ZNF23: variants seen among roughly 807,000 people sequenced by gnomAD.
ZNF23 encodes the protein kruppel-like zinc finger factor X31.
A neutral mutation model predicts 56.2 loss-of-function variants in ZNF23; 48 were observed. The ratio of observed to expected loss-of-function variants is 0.85; its 90% CI spans 0.68 to 1.09. The LOEUF is 1.09. Among genes scored for constraint, ZNF23 ranks in the 50% least tolerant of loss-of-function variants. The probability of loss-of-function intolerance (pLI) is 0.00; values close to 1 mark genes in which losing one functional copy is unlikely to be tolerated. For missense variants in ZNF23, 805 were observed against 811.4 expected (o/e 0.99, Z 0.10); for synonymous variants, 266 against 283.3 (o/e 0.94, Z 0.61).
intron 2 of ZNF23, chr16:71,456,026 T>C (rs2043217928): frequency 2.2e-6 from 1 of 456,424 alleles, no homozygotes; most frequent in Non-Finnish European, 4.4e-6. Context: ...TGGAGCATAG[T>C]AAGCCTCCAA....
chr16:71,460,062 C>G (rs1382771924), intron 1 of ZNF23, among the ~76,000 whole-genome samples: 2 of 152,176 alleles, frequency 1.3e-5, no homozygotes, highest in African/African-American at 4.8e-5. Context: ...AGCAGAGGAG[C>G]AGGTGTTTGC....
chr16:71,448,931 T>A lies in ZNF23; in HGVS notation c.1223A>T (p.Gln408Leu), dbSNP rs146193480. ...GAAGCCTTTTCCACACTCTTTACACTGATAGGGCTTTTCTCCTGTGTGGAT... is the reference window on the plus strand; with the variant it reads ...GAAGCCTTTTCCACACTCTTTACACAGATAGGGCTTTTCTCCTGTGTGGAT... The part of the protein sequence containing the change: ...QSIHTGEKPY[Q>L]CKECGKGFNN... Residue 408 changes from glutamine to leucine, a missense_variant, in exon 5 of 5, where the codon CAG becomes CTG. Physicochemically the swap from Gln to Leu is moderately radical, Grantham distance 113. Coordinates refer to ENST00000647773, the MANE Select transcript of ZNF23 (RefSeq NM_001381984.1). 3.7e-6 allele frequency: 6 copies of A among 1,614,156 alleles called. No individual in the cohort carries two copies. Among genetic ancestry groups the A allele is most frequent in the Admixed American group, 1.7e-5 (1 of 60,018 alleles).
chr16:71,452,229 G>A, intron 4 of ZNF23: 1 of 152,220 alleles, frequency 6.6e-6, no homozygotes. Context: ...CCATTATACG[G>A]CAAACTCCAT....
At chr16:71,451,105 C>T (rs1288596924) in intron 4 of ZNF23, 3 of 152,692 alleles carry the variant, frequency 2.0e-5, no homozygotes, top group African/African-American at 2.4e-5. Flanking sequence ...CTGCATTAAC[C>T]TTGCCTTTTC....
chr16:71,449,126 C>T lies in ZNF23; in HGVS notation c.1028G>A (p.Arg343Lys). The stretch of plus-strand genomic sequence containing the variant: ...GTAAGGTTTCTCTCCAGTGTGGACT[C>T]TCTGATGTGTAATATATGCAGAACT... ...SCSSAYITHQ[R>K]VHTGEKPYEC... The change falls in exon 5 of 5, where the codon AGA (arginine) becomes AAA (lysine). Residue 343 changes from arginine (R) to lysine (K), a missense_variant. Physicochemically the swap from Arg to Lys is conservative, Grantham distance 26. Transcript: ENST00000647773. 6.2e-7 allele frequency: 1 copy of T among 1,614,226 alleles called. No individual in the cohort carries two copies. The highest frequency in any genetic ancestry group is 8.5e-7 in the Non-Finnish European group (1 of 1,180,038).
chr16:71,449,445 T>C lies in ZNF23; in HGVS notation c.709A>G (p.Lys237Glu), dbSNP rs1237159755. 6.2e-7 allele frequency: 1 copy of C among 1,614,228 alleles called. No homozygotes were observed. The highest frequency in any genetic ancestry group is 2.2e-5 in the East Asian group (1 of 44,890). The change falls in exon 5 of 5, where the codon AAG becomes GAG. Residue 237 changes from lysine (K) to glutamate (E), a missense_variant. Coordinates refer to ENST00000647773, the MANE Select transcript of ZNF23 (RefSeq NM_001381984.1). ...CCACACTCCGAACACTGATAAGGCT[T>C]TTCCTCAGTGTTGTTCTCTTGATGT... ...IQHQENNTEE[K>E]PYQCSECGKA...
At chr16:71,461,873 G>C (rs368625390) in intron 1 of ZNF23, 1 of 152,262 alleles carries the variant, frequency 6.6e-6, no homozygotes, top group Non-Finnish European at 1.5e-5. Context: ...TATCACCTCG[G>C]GCCGCTTCAC....
Position 71,449,261 on chromosome 16 carries a change from T to C in ZNF23, c.893A>G (p.Lys298Arg). Reference sequence around the variant, plus strand: ...AACACTGAAGGCCTTCCCACACATCTTACACTGATAGGGCTTCTCCCCACT... The same window carrying C: ...AACACTGAAGGCCTTCCCACACATCCTACACTGATAGGGCTTCTCCCCACT... ...IHSGEKPYQC[K>R]MCGKAFSVNG... Residue 298 changes from lysine (K) to arginine (R), a missense_variant, in exon 5 of 5, where the codon AAG (lysine) becomes AGG (arginine). Lys to Arg is a conservative substitution (Grantham distance 26, BLOSUM62 2). Transcript: ENST00000647773. 1 of 1,614,230 alleles carries C rather than the reference T, an allele frequency of 6.2e-7. No individual in the cohort carries two copies. Among genetic ancestry groups the C allele is most frequent in the Non-Finnish European group, 8.5e-7 (1 of 1,180,028 alleles).
At chr16:71,459,682 TAGTC>T (rs1364132190) in intron 1 of ZNF23, among the ~76,000 whole-genome samples, 1 of 152,238 alleles carries the variant, frequency 6.6e-6, no homozygotes, top group African/African-American at 2.4e-5. Context: ...TACTGTTTTA[TAGTC>T]AGTCAGCAAT....
intron 4 of ZNF23, among the ~76,000 whole-genome samples, chr16:71,452,964 C>A (rs1375584270): frequency 6.6e-6 from 1 of 152,204 alleles, no homozygotes; most frequent in Non-Finnish European, 1.5e-5. Context: ...CCCCAAACTA[C>A]TGAGTCCCTT....
rs781622511 is a variant in ZNF23, at chr16:71,448,693, C to A, written c.1461G>T (p.Gly487=). 3.7e-6 allele frequency: 6 copies of A among 1,614,122 alleles called. No individual in the cohort carries two copies. The South Asian group carries it at 6.6e-5, about 18-fold the overall frequency. Residue 487 remains glycine (G), a synonymous_variant, in exon 5 of 5, where the codon GGG becomes GGT. Coordinates refer to ENST00000647773, the MANE Select transcript of ZNF23 (RefSeq NM_001381984.1). ...QFRQHLRIHT[G]EKPYECNECG... is the part of the protein sequence containing the mutation. ...ACTCATTACACTCATAGGGCTTCTC[C>A]CCAGTGTGAATTCTCAGATGCTGCC...
chr16:71,457,286 T>C (rs960826557), intron 1 of ZNF23, among the ~76,000 whole-genome samples: 3 of 151,808 alleles, frequency 2.0e-5, no homozygotes, highest in Admixed American at 6.6e-5. Flanking sequence ...AAAATTAGGC[T>C]GGGCGCGGTG....
Position 71,447,852 on chromosome 16 carries a change from C to A in ZNF23, c.*241G>T. 1 of 337,144 alleles carries A rather than the reference C, an allele frequency of 3.0e-6. No individual in the cohort carries two copies. The highest frequency in any genetic ancestry group is 5.3e-6 in the Non-Finnish European group (1 of 188,016). 20.9% of individuals were successfully genotyped at this position (337,144 alleles called of 1,614,324 possible). On this transcript the variant is annotated 3_prime_UTR_variant, in exon 5 of 5. Transcript: ENST00000647773. ...AGAAAATCTACTTTTCTTGATGCTG[C>A]TGGGAACGAAATCTTTTCATTATAT... is the stretch of plus-strand genomic sequence containing the variant.
Position 71,448,711 on chromosome 16 carries a change from A to T in ZNF23, c.1443T>A (p.His481Gln). 3 of 1,614,152 alleles carry T rather than the reference A, an allele frequency of 1.9e-6. No homozygotes were observed. The highest frequency in any genetic ancestry group is 2.5e-6 in the Non-Finnish European group (3 of 1,180,028). The change falls in exon 5 of 5, where the codon CAT (histidine) becomes CAA (glutamine). Residue 481 changes from histidine to glutamine, a missense_variant. Coordinates refer to ENST00000647773, the MANE Select transcript of ZNF23 (RefSeq NM_001381984.1). ...GCTTCTCCCCAGTGTGAATTCTCAG[A>T]TGCTGCCGAAATTGGGAGTTACATC... ...AFRCNSQFRQ[H>Q]LRIHTGEKPY...
intron 1 of ZNF23, among the ~76,000 whole-genome samples, chr16:71,457,792 G>T (rs954177283): frequency 6.6e-6 from 1 of 152,172 alleles, no homozygotes; most frequent in Non-Finnish European, 1.5e-5. Flanking sequence ...AAAGAGTCAT[G>T]TATCCACAAT....
chr16:71,448,152 A>G lies in ZNF23; in HGVS notation c.2002T>C (p.Phe668Leu). ...TGACTGAGCTGGAAGCTAAACCTGA[A>G]TGCTTTCCCACACACACTACACATA... ...PYMCSVCGKA[F>L]RFSFQLSQHQ... The change falls in exon 5 of 5, where the codon TTC becomes CTC. Residue 668 changes from phenylalanine (F) to leucine (L), a missense_variant. Phe to Leu is a conservative substitution (Grantham distance 22, BLOSUM62 0). Transcript: ENST00000647773. 1 of 1,613,936 alleles carries G rather than the reference A, an allele frequency of 6.2e-7. No individual in the cohort carries two copies. Among genetic ancestry groups the G allele is most frequent in the Non-Finnish European group, 8.5e-7 (1 of 1,179,952 alleles).
chr16:71,448,047 T>A lies in ZNF23; in HGVS notation c.*46A>T, dbSNP rs771978213. The A allele has an allele frequency of 1.3e-5, 19 of 1,461,788 alleles. No individual in the cohort carries two copies. In the South Asian group the frequency reaches 2.5e-4, roughly 19 times the overall value. The allele number at this position is 1,461,788 out of a possible 1,614,324, so 90.6% of individuals were successfully genotyped here. On this transcript the variant is annotated 3_prime_UTR_variant, in exon 5 of 5. Coordinates refer to ENST00000647773, the MANE Select transcript of ZNF23 (RefSeq NM_001381984.1). Reference sequence around the variant, plus strand: ...AATGGATGAATCTGATGATACTTGATCCATTTTGGCATTAACCTTAAGAGT... The same window carrying A: ...AATGGATGAATCTGATGATACTTGAACCATTTTGGCATTAACCTTAAGAGT...
intron 2 of ZNF23, 39 bp from the exon 3 acceptor site, chr16:71,454,207 A>G: frequency 5.0e-6 from 8 of 1,598,674 alleles, no homozygotes; most frequent in Non-Finnish European, 6.0e-6. Context: ...GGCCAATTCC[A>G]TAGCTCAGGC....
intron 4 of ZNF23, chr16:71,450,252 A>G (rs2145075584): frequency 5.9e-6 from 1 of 168,258 alleles, no homozygotes; most frequent in South Asian, 1.7e-4. Flanking sequence ...ATAAACTGGC[A>G]TAGGAAGTTT....
Sources: gnomAD v4.1 joint callset for allele counts (sites outside exome capture counted in the v4.1 genomes callset) on GRCh38, gnomAD v4.1.1 for gene constraint, MANE v1.5 for transcripts, NCBI Gene and HGNC (gene_info 2026-07-23, HGNC 2026-07-21) for gene names.